The following METTL15 variants were observed in gnomAD, a reference collection of about 807,000 sequenced individuals.
The protein encoded by METTL15 is methyltransferase 15, mitochondrial 12S rRNA N4-cytidine.
A neutral mutation model predicts 38.3 loss-of-function variants in METTL15; 34 were observed. The observed-to-expected ratio is 0.89, with a 90% confidence interval of 0.68 to 1.18. The LOEUF (loss-of-function observed/expected upper bound fraction) is 1.18, where lower values mean the gene tolerates loss of function less well. Ranked by LOEUF, METTL15 falls within the 50% of genes most tolerant of loss-of-function variation. The pLI, the probability that METTL15 is intolerant of heterozygous loss-of-function variation, is 0.00. For missense variants in METTL15, 438 were observed against 498.4 expected (o/e 0.88, Z 1.15); for synonymous variants, 162 against 170.9 (o/e 0.95, Z 0.41).
chr11:28,339,131 T>G (rs1849927496), intron 3 of METTL15, among the ~76,000 whole-genome samples: 1 of 152,118 alleles, frequency 6.6e-6, no homozygotes, highest in South Asian at 2.1e-4. Context: ...TCCTAGACAC[T>G]AGAGTCCCTA....
chr11:28,437,336 C>T (rs1384370076), intron 6 of METTL15, among the ~76,000 whole-genome samples: 2 of 152,168 alleles, frequency 1.3e-5, no homozygotes, highest in African/African-American at 4.8e-5. Context: ...CCCTAATACA[C>T]TCACCTAGCA....
chr11:28,530,637 T>C (rs1362131993), downstream of METTL15, among the ~76,000 whole-genome samples: 1 of 152,054 alleles, frequency 6.6e-6, no homozygotes, highest in Non-Finnish European at 1.5e-5. Context: ...TCTAAAGACA[T>C]GCGCACAATT....
chr11:28,211,734 T>TA, intron 4 of METTL15, among the ~76,000 whole-genome samples: 1 of 152,184 alleles, frequency 6.6e-6, no homozygotes, highest in Non-Finnish European at 1.5e-5. Flanking sequence ...GAATGAGTGG[T>TA]AAAACCATCT....
chr11:28,429,293 T>A (rs1228902251), intron 6 of METTL15, among the ~76,000 whole-genome samples: 2 of 151,622 alleles, frequency 1.3e-5, no homozygotes, highest in African/African-American at 4.9e-5. Context: ...AAGTCAAGAG[T>A]AACTTGAAAT....
chr11:28,176,149 A>G (rs1168643573), intron 3 of METTL15, among the ~76,000 whole-genome samples: 1 of 152,006 alleles, frequency 6.6e-6, no homozygotes, highest in Non-Finnish European at 1.5e-5. Flanking sequence ...GTATTTTTGT[A>G]TTTCAAAAGA....
chr11:28,520,928 T>C (rs1353978654), intron 6 of METTL15, among the ~76,000 whole-genome samples: 1 of 152,232 alleles, frequency 6.6e-6, no homozygotes, highest in Non-Finnish European at 1.5e-5. Flanking sequence ...AAACAGTTTA[T>C]TTTCTTTGTT....
At chr11:28,139,114 C>G (rs1849611724) in intron 3 of METTL15, among the ~76,000 whole-genome samples, 1 of 152,080 alleles carries the variant, frequency 6.6e-6, no homozygotes, top group African/African-American at 2.4e-5. Context: ...GTTTCCTTCC[C>G]CTGAGCTCAC....
intron 3 of METTL15, among the ~76,000 whole-genome samples, chr11:28,141,136 G>A (rs1008797155): frequency 6.6e-6 from 1 of 152,134 alleles, no homozygotes; most frequent in Non-Finnish European, 1.5e-5. Flanking sequence ...TAAGAGTTTG[G>A]AGGCTAGGGT....
intron 4 of METTL15, among the ~76,000 whole-genome samples, chr11:28,260,012 A>C (rs1855135756): frequency 1.3e-5 from 2 of 152,098 alleles, no homozygotes; most frequent in African/African-American, 4.8e-5. Flanking sequence ...CACCATCCCT[A>C]CTGCTGTAAA....
rs1464070944 is a variant in METTL15 at position 28,108,419 on chromosome 11, C to T, written c.-287C>T. The T allele has an allele frequency of 6.6e-6, 1 of 152,466 alleles. No homozygotes were observed. The highest frequency in any genetic ancestry group is 1.5e-5 in the Non-Finnish European group (1 of 68,242). 9.4% of individuals were successfully genotyped at this position (152,466 alleles called of 1,614,324 possible). A position where few individuals can be genotyped will look rare whatever the true frequency, so the allele number is the denominator to read the frequency against. On this transcript the variant is annotated 5_prime_UTR_variant, in exon 1 of 7. Coordinates refer to ENST00000407364, the MANE Select transcript of METTL15 (RefSeq NM_001113528.2). The stretch of plus-strand genomic sequence containing the variant: ...TTGAGATCACCAGGCCTCCTGTAGA[C>T]CGGCGGGTGCAGGGCCCGGTCCCAG...
At chr11:28,122,972 A>C (rs956872651) in intron 3 of METTL15, among the ~76,000 whole-genome samples, 3 of 152,100 alleles carry the variant, frequency 2.0e-5, no homozygotes, top group African/African-American at 7.2e-5. Context: ...TTAACCAAAA[A>C]ATTATGGTTT....
chr11:28,454,102 G>A (rs901377835), intron 6 of METTL15, among the ~76,000 whole-genome samples: 10 of 152,276 alleles, frequency 6.6e-5, no homozygotes, highest in South Asian at 4.1e-4. Flanking sequence ...GAATTGTTTC[G>A]TTATATCACT....
rs375322618 is a variant in METTL15, at chr11:28,378,397, G to T, written c.*358+16361G>T. Among the ~76,000 whole-genome samples the T allele has an allele frequency of 1.1e-4, 16 of 152,334 alleles. No homozygotes were observed. In the East Asian group the frequency reaches 1.5e-3, roughly 15 times the overall value. ...AGCCTGTCGGAAAAGCGCAGTATTC[G>T]GGTGGGAGTGAACCGATTTTCCAGG... is the stretch of plus-strand genomic sequence containing the variant. On this transcript the variant is annotated intron_variant and NMD_transcript_variant, in intron 5 of 7. Transcript: ENST00000532947.
intron 6 of METTL15, among the ~76,000 whole-genome samples, chr11:28,500,536 C>CTT (rs573552567): frequency 7.6e-5 from 11 of 144,528 alleles, no homozygotes; most frequent in Non-Finnish European, 1.5e-4. Flanking sequence ...TTTCCAATGT[C>CTT]TTTTTTTTTT....
intron 3 of METTL15, among the ~76,000 whole-genome samples, chr11:28,207,695 T>A (rs1204390241): frequency 6.6e-6 from 1 of 152,182 alleles, no homozygotes; most frequent in Admixed American, 6.5e-5. Context: ...TACCAATTCC[T>A]CCTTGTGCCT....
intron 3 of METTL15, among the ~76,000 whole-genome samples, chr11:28,206,548 T>A (rs1852354760): frequency 6.6e-6 from 1 of 151,420 alleles, no homozygotes; most frequent in Non-Finnish European, 1.5e-5. Context: ...GCGTGATGCC[T>A]CCAGTTTTGT....
chr11:28,323,116 C>A (rs1416917774), intron 6 of METTL15, among the ~76,000 whole-genome samples: 2 of 152,002 alleles, frequency 1.3e-5, no homozygotes, highest in African/African-American at 4.8e-5. Context: ...TTGGTTGCCT[C>A]TTGAATTTAA....
intron 6 of METTL15, among the ~76,000 whole-genome samples, chr11:28,466,657 G>T (rs577001146): frequency 1.3e-5 from 2 of 152,138 alleles, no homozygotes; most frequent in Non-Finnish European, 2.9e-5. Context: ...GGTACATCAC[G>T]CGGTGCCTGA....
At position 28,330,397 on chromosome 11, in the gene METTL15, AG is replaced by A. The variant is rs1158154862; in HGVS notation, c.781del (p.Ala261HisfsTer32). ...TQQLASIVAG[A>X]FPPSAIYTRK... is the part of the protein sequence containing the mutation. Reference sequence around the variant, plus strand: ...CTATCTTTACAACATTTGTTTTAGGAGCATTTCCTCCCTCTGCTATTTATAC... The same window carrying A: ...CTATCTTTACAACATTTGTTTTAGGACATTTCCTCCCTCTGCTATTTATAC... On this transcript the variant is annotated frameshift_variant and splice_region_variant, in exon 7 of 7. Transcript: ENST00000407364. LOFTEE classifies it high-confidence loss of function. 1 of 1,535,216 alleles carries A rather than the reference AG, an allele frequency of 6.5e-7. No homozygotes were observed. Among genetic ancestry groups the A allele is most frequent in the Non-Finnish European group, 8.8e-7 (1 of 1,141,474 alleles).
Sources: gnomAD v4.1 joint callset for allele counts (sites outside exome capture counted in the v4.1 genomes callset) on GRCh38, gnomAD v4.1.1 for gene constraint, MANE v1.5 for transcripts, NCBI Gene and HGNC (gene_info 2026-07-23, HGNC 2026-07-21) for gene names.